Variants in STK17B observed in about 807,000 individuals in gnomAD.
The protein encoded by STK17B is serine/threonine kinase 17b.
In STK17B, 21 loss-of-function variants were observed where a neutral mutation model predicts 42.0. The ratio of observed to expected loss-of-function variants is 0.50; its 90% CI spans 0.35 to 0.72. STK17B has a LOEUF of 0.72. STK17B is among the 30% of genes least tolerant of loss of function. STK17B has a pLI of 0.00. For missense variants in STK17B, 349 were observed against 446.0 expected (o/e 0.78, Z 1.96); for synonymous variants, 143 against 148.4 (o/e 0.96, Z 0.26).
At chr2:196,140,558 A>T (rs1360275274) in intron 6 of STK17B, among the ~76,000 whole-genome samples, 4 of 148,160 alleles carry the variant, frequency 2.7e-5, no homozygotes, top group African/African-American at 9.9e-5. Flanking sequence ...TATTCTGCTT[A>T]ACAAATACCT....
chr2:196,134,099 T>C lies in STK17B; in HGVS notation c.*3348A>G, dbSNP rs1409427968. ...GGAAGGCTATTCAAAGCATGGTCCA[T>C]TAACTATTTGTGAGCTGTCCAGAAT... is the stretch of plus-strand genomic sequence containing the variant. On this transcript the variant is annotated 3_prime_UTR_variant, in exon 8 of 8. Coordinates refer to ENST00000263955, the MANE Select transcript of STK17B (RefSeq NM_004226.4). 1 of 152,230 alleles carries C rather than the reference T, an allele frequency of 6.6e-6. No individual in the cohort carries two copies. The highest frequency in any genetic ancestry group is 1.5e-5 in the Non-Finnish European group (1 of 68,040). The allele number at this position is 152,230 out of a possible 1,614,324, so 9.4% of individuals were successfully genotyped here. A position where few individuals can be genotyped will look rare whatever the true frequency, so the allele number is the denominator to read the frequency against.
In STK17B at chr2:196,149,154, A is replaced by G. The variant is rs141197890; in HGVS notation, c.336-3099T>C. 9.0e-3 allele frequency among the ~76,000 whole-genome samples: 1,367 copies of G among 151,306 alleles called. 12 individuals carry two copies. Among genetic ancestry groups the G allele is most frequent in the Non-Finnish European group, 0.015 (994 of 67,890 alleles). On this transcript the variant is annotated intron_variant, in intron 3 of 7. Coordinates refer to ENST00000263955, the MANE Select transcript of STK17B (RefSeq NM_004226.4). ...CTGACACACGGTAAATATTCAATAG[A>G]TAACAGCTATTTTTTTTTTTTTTTC...
At chr2:196,139,531 T>C (rs982841353) in intron 7 of STK17B, 89 bp downstream of exon 7, 1 of 841,652 alleles carries the variant, frequency 1.2e-6, no homozygotes, top group Non-Finnish European at 1.6e-6. Context: ...TTTTAGAATA[T>C]ACTTTCTTAA....
In STK17B at chr2:196,143,669, C is replaced by A; in HGVS notation, c.498G>T (p.Leu166=). 2 of 1,563,156 alleles carry A rather than the reference C, an allele frequency of 1.3e-6. No individual in the cohort carries two copies. Among genetic ancestry groups the A allele is most frequent in the South Asian group, 1.2e-5 (1 of 82,192 alleles). ...TGTCCCCGAGAGGGTATATGCTGCT[C>A]AGTAATATATTCTGTGGCTAAACAA... ...HLDLKPQNIL[L]SSIYPLGDIK... is the part of the protein sequence containing the mutation. Residue 166 remains leucine, a synonymous_variant, in exon 5 of 8, where the codon CTG becomes CTT. Transcript: ENST00000263955.
chr2:196,144,784 C>T (rs529627276), intron 4 of STK17B, among the ~76,000 whole-genome samples: 1 of 152,232 alleles, frequency 6.6e-6, no homozygotes, highest in South Asian at 2.1e-4. Context: ...GCTGTCATAA[C>T]CCATACCTCT....
At chr2:196,154,104 C>T (rs186104524) in intron 3 of STK17B, 67 of 152,144 alleles carry the variant, frequency 4.4e-4, no homozygotes, top group East Asian at 3.1e-3. Flanking sequence ...CATGGTGGCA[C>T]GTGCCTGTAA....
chr2:196,139,497 C>A (rs2105674497), intron 7 of STK17B, 123 bp downstream of exon 7: 4 of 602,998 alleles, frequency 6.6e-6, no homozygotes, highest in Non-Finnish European at 7.1e-6. Context: ...AGAACTTGTA[C>A]ATATTTCTAA....
chr2:196,174,226 G>A (rs1459026806), upstream of STK17B: 1 of 152,204 alleles, frequency 6.6e-6, no homozygotes, highest in Non-Finnish European at 1.5e-5. Flanking sequence ...TGGGAGCGAT[G>A]ATCGTTCCCA....
intron 5 of STK17B, among the ~76,000 whole-genome samples, 160 bp from the exon 6 acceptor site, chr2:196,141,457 G>A (rs909628328): frequency 1.3e-5 from 2 of 152,232 alleles, no homozygotes; most frequent in African/African-American, 4.8e-5. Flanking sequence ...ATCACAGTTC[G>A]AGACCAGCCT....
rs113234544 is a variant in STK17B, at chr2:196,137,613, A to G, written c.953T>C (p.Val318Ala). ...SSSSQTQDHSVRSSEDKTSKS... is the reference protein window; with the variant it reads ...SSSSQTQDHSARSSEDKTSKS... ...AGAAGTCTTGTCTTCAGAGGACCTT[A>G]CAGAATGATCCTGAGTTTGAGAGGA... Residue 318 changes from valine (V) to alanine (A), a missense_variant, in exon 8 of 8, where the codon GTA (valine) becomes GCA (alanine). Val to Ala is a moderately conservative substitution (Grantham distance 64, BLOSUM62 0). Transcript: ENST00000263955. 7.4e-6 allele frequency: 12 copies of G among 1,614,118 alleles called. No individual in the cohort carries two copies. The highest frequency in any genetic ancestry group is 2.7e-5 in the African/African-American group (2 of 75,050).
chr2:196,138,969 T>A (rs1389394702), intron 7 of STK17B, among the ~76,000 whole-genome samples: 1 of 152,110 alleles, frequency 6.6e-6, no homozygotes, highest in African/African-American at 2.4e-5. Flanking sequence ...AATTATTTTA[T>A]TTTATTTATT....
At chr2:196,165,252 A>G (rs1699862749) in intron 1 of STK17B, among the ~76,000 whole-genome samples, 1 of 152,242 alleles carries the variant, frequency 6.6e-6, no homozygotes, top group African/African-American at 2.4e-5. Flanking sequence ...GCCATCTACA[A>G]GCCAAGAGGG....
chr2:196,139,789 T>A lies in STK17B; in HGVS notation c.667A>T (p.Ile223Leu). The change falls in exon 7 of 8, where the codon ATA (isoleucine) becomes TTA (leucine). Residue 223 changes from isoleucine to leucine, a missense_variant. By Grantham distance (5) the Ile-to-Leu change is conservative. Transcript: ENST00000263955. ...TGAGTTAACAACATATATGCTATTA[T>A]ACCAATATTCCTGAAAAACAAGGGA... ...TTATDMWNIGIIAYMLLTHTS... is the reference protein window; with the variant it reads ...TTATDMWNIGLIAYMLLTHTS... 1 of 1,382,944 alleles carries A rather than the reference T, an allele frequency of 7.2e-7. No homozygotes were observed. Among genetic ancestry groups the A allele is most frequent in the Non-Finnish European group, 9.4e-7 (1 of 1,058,808 alleles). 85.7% of individuals were successfully genotyped at this position (1,382,944 alleles called of 1,614,324 possible).
intron 3 of STK17B, among the ~76,000 whole-genome samples, chr2:196,149,019 C>G (rs1354914625): frequency 6.6e-6 from 1 of 152,170 alleles, no homozygotes; most frequent in Non-Finnish European, 1.5e-5. Flanking sequence ...AATAGAATAG[C>G]TCCTACTTCA....
At chr2:196,155,160 C>T (rs577845830) in intron 3 of STK17B, among the ~76,000 whole-genome samples, 1 of 152,324 alleles carries the variant, frequency 6.6e-6, no homozygotes, top group South Asian at 2.1e-4. Context: ...CTACTTTTTA[C>T]ACACTTCAAA....
rs60492880 is a variant in STK17B, at chr2:196,164,038, CAATAAATAAATA to C, written c.-44-623_-44-612del. 2.1e-4 allele frequency among the ~76,000 whole-genome samples: 31 copies of C among 146,172 alleles called. No individual in the cohort carries two copies. In the Middle Eastern group the frequency reaches 0.01, roughly 49 times the overall value. ...TGGGCAATAAAGCGAGATCTTATCT[CAATAAATAAATA>C]AATAAATAAATAAATAAATAAATAA... is the stretch of plus-strand genomic sequence containing the variant. On this transcript the variant is annotated intron_variant, in intron 1 of 7. Coordinates refer to ENST00000263955, the MANE Select transcript of STK17B (RefSeq NM_004226.4).
intron 2 of STK17B, among the ~76,000 whole-genome samples, chr2:196,160,614 G>C (rs1699797905): frequency 6.6e-6 from 1 of 152,092 alleles, no homozygotes; most frequent in African/African-American, 2.4e-5. Flanking sequence ...TAACAATATT[G>C]AAAGAACTTT....
Position 196,156,515 on chromosome 2 carries a change from C to T in STK17B, c.259G>A (p.Ala87Thr). The T allele has an allele frequency of 1.9e-6, 3 of 1,614,064 alleles. No individual in the cohort carries two copies. The South Asian group carries it at 3.3e-5, about 18-fold the overall frequency. ...ILHEIAVLEL[A>T]KSCPRVINLH... ...TTAATAACACGGGGACAAGACTTTG[C>T]CAATTCAAGCACAGCAATCTCGTGT... The change falls in exon 3 of 8, where the codon GCA becomes ACA. Residue 87 changes from alanine (A) to threonine (T), a missense_variant. Around this residue, in one of 3 missense-constraint regions of STK17B, gnomAD observed 256 missense variants for 347.7 expected, o/e 0.74. Transcript: ENST00000263955.
At chr2:196,172,333 T>C (rs1322556161), upstream of STK17B, among the ~76,000 whole-genome samples, 1 of 152,246 alleles carries the variant, frequency 6.6e-6, no homozygotes, top group Admixed American at 6.5e-5. Flanking sequence ...TTTTCAAAGT[T>C]CTGTGCAAGA....
Sources: gnomAD v4.1 joint callset for allele counts (sites outside exome capture counted in the v4.1 genomes callset) on GRCh38, gnomAD v4.1.1 for gene constraint, gnomAD v4.1.1 regional missense constraint, MANE v1.5 for transcripts, NCBI Gene and HGNC (gene_info 2026-07-23, HGNC 2026-07-21) for gene names.